The following NEGR1 variants were observed in gnomAD, a reference collection of about 807,000 sequenced individuals.
The protein encoded by NEGR1 is IgLON family member 4.
Under a neutral mutation model 40.9 loss-of-function variants are expected in NEGR1, and 10 were observed. The observed-to-expected ratio is 0.24, with a 90% CI of 0.15 to 0.42. The LOEUF is 0.42. NEGR1 is among the 10% of genes least tolerant of loss of function. NEGR1 has a pLI of 1.00. For synonymous variants in NEGR1, 185 were observed against 166.8 expected (o/e 1.11, Z -0.84); for missense variants, 352 against 438.9 (o/e 0.80, Z 1.77).
intron 2 of NEGR1, among the ~76,000 whole-genome samples, chr1:71,870,282 T>C (rs1660242071): frequency 6.6e-6 from 1 of 152,194 alleles, no homozygotes; most frequent in Non-Finnish European, 1.5e-5. Flanking sequence ...TAGAATGTAG[T>C]ATTGACAAAG....
chr1:71,818,522 C>T (rs1057077346), intron 2 of NEGR1, among the ~76,000 whole-genome samples: 21 of 151,744 alleles, frequency 1.4e-4, no homozygotes, highest in Non-Finnish European at 1.5e-5. Context: ...CAGACATTAG[C>T]ACCTACTTGA....
chr1:72,260,329 A>G (rs1010591216), intron 1 of NEGR1, among the ~76,000 whole-genome samples: 3 of 152,114 alleles, frequency 2.0e-5, no homozygotes, highest in African/African-American at 7.2e-5. Context: ...CCCAATTTTT[A>G]CAAAGGATAT....
At chr1:71,846,150 T>C (rs899843405) in intron 2 of NEGR1, among the ~76,000 whole-genome samples, 1 of 151,978 alleles carries the variant, frequency 6.6e-6, no homozygotes, top group Non-Finnish European at 1.5e-5. Flanking sequence ...AGGTTGTTAT[T>C]CTCTTCCTTA....
intron 3 of NEGR1, among the ~76,000 whole-genome samples, chr1:71,734,196 G>A (rs962495257): frequency 5.9e-5 from 9 of 152,124 alleles, no homozygotes; most frequent in Non-Finnish European, 1.3e-4. Flanking sequence ...AAAAGAATAG[G>A]ACCGGCAATT....
intron 1 of NEGR1, among the ~76,000 whole-genome samples, chr1:72,187,824 T>C (rs1357278945): frequency 3.3e-5 from 5 of 151,454 alleles, no homozygotes; most frequent in African/African-American, 1.2e-4. Context: ...TTTTGAAGGA[T>C]ACGTAACTGA....
chr1:71,581,833 G>T (rs1321842537), intron 6 of NEGR1, among the ~76,000 whole-genome samples: 2 of 151,844 alleles, frequency 1.3e-5, no homozygotes, highest in Non-Finnish European at 2.9e-5. Context: ...ATTCCAAGTA[G>T]CTGGGATGAC....
chr1:71,610,979 G>T (rs780706498), intron 5 of NEGR1, 47 bp downstream of exon 5: 10 of 1,576,744 alleles, frequency 6.3e-6, no homozygotes, highest in Non-Finnish European at 7.8e-6. Context: ...ACACAAGCAC[G>T]TTAGCTCAAA....
intron 4 of NEGR1, among the ~76,000 whole-genome samples, chr1:71,697,585 C>T (rs749188413): frequency 4.0e-5 from 6 of 151,848 alleles, no homozygotes; most frequent in Non-Finnish European, 8.8e-5. Context: ...AGAAGCATCA[C>T]ACTTCAGCTC....
chr1:71,566,045 C>T (rs1648609880), intron 6 of NEGR1, among the ~76,000 whole-genome samples: 1 of 151,988 alleles, frequency 6.6e-6, no homozygotes, highest in Non-Finnish European at 1.5e-5. Context: ...ACATCTACCA[C>T]AGGCTGGGAA....
intron 3 of NEGR1, among the ~76,000 whole-genome samples, chr1:71,768,564 G>T (rs1229471059): frequency 6.6e-6 from 1 of 152,172 alleles, no homozygotes; most frequent in East Asian, 1.9e-4. Context: ...AGGAAGAAGG[G>T]ACTTGTCTTG....
intron 1 of NEGR1, among the ~76,000 whole-genome samples, chr1:72,184,734 C>A (rs1652552016): frequency 6.6e-6 from 1 of 151,986 alleles, no homozygotes; most frequent in Non-Finnish European, 1.5e-5. Context: ...CATAGTACTA[C>A]CTACTGAATC....
intron 4 of NEGR1, among the ~76,000 whole-genome samples, chr1:71,619,160 A>G (rs552889178): frequency 1.1e-4 from 17 of 152,302 alleles, no homozygotes; most frequent in South Asian, 8.3e-4. Flanking sequence ...GGAGCTGTAC[A>G]GTAAAAAATT....
chr1:71,633,684 AAAG>A (rs1344105654), intron 4 of NEGR1, among the ~76,000 whole-genome samples: 1 of 152,124 alleles, frequency 6.6e-6, no homozygotes, highest in Non-Finnish European at 1.5e-5. Flanking sequence ...CCACCCAAAG[AAAG>A]AAGAACAACT....
At chr1:71,476,994 A>C (rs557210484) in intron 6 of NEGR1, 1 of 152,138 alleles carries the variant, frequency 6.6e-6, no homozygotes, top group Non-Finnish European at 1.5e-5. Flanking sequence ...AAGGCATGCA[A>C]TTATAAGTTT....
intron 2 of NEGR1, among the ~76,000 whole-genome samples, chr1:71,818,825 A>C (rs1470251210): frequency 2.0e-5 from 3 of 151,958 alleles, no homozygotes; most frequent in Admixed American, 6.6e-5. Flanking sequence ...GGTTATGGAG[A>C]TATTAATAAA....
Position 71,556,644 on chromosome 1 carries a change from CACACACACAT to C in NEGR1, c.940+36163_940+36172del, listed in dbSNP as rs757436885. The stretch of plus-strand genomic sequence containing the variant: ...TATTTTGTAATTACACACACACACA[CACACACACAT>C]ACACACACACAAGTCCATGGAGACA... On this transcript the variant is annotated intron_variant, in intron 6 of 6. Transcript: ENST00000357731. Among the ~76,000 whole-genome samples the C allele has an allele frequency of 7.4e-4, 112 of 151,278 alleles. 2 individuals carry two copies. Among genetic ancestry groups the C allele is most frequent in the Non-Finnish European group, 8.9e-4 (60 of 67,580 alleles).
chr1:71,919,005 A>G (rs1661682116), intron 2 of NEGR1, among the ~76,000 whole-genome samples: 1 of 152,202 alleles, frequency 6.6e-6, no homozygotes, highest in African/African-American at 2.4e-5. Flanking sequence ...AGATTTCAAC[A>G]AAACAAAAAT....
intron 3 of NEGR1, among the ~76,000 whole-genome samples, chr1:71,762,696 T>A (rs1348278005): frequency 6.6e-6 from 1 of 152,136 alleles, no homozygotes. Context: ...ATTTCAAAGA[T>A]TATGCACTGT....
At chr1:72,150,533 T>C (rs538587403) in intron 1 of NEGR1, among the ~76,000 whole-genome samples, 14 of 152,292 alleles carry the variant, frequency 9.2e-5, no homozygotes, top group South Asian at 2.1e-4. Flanking sequence ...TTAAAGATGA[T>C]ACATGAAAAT....
Sources: allele counts gnomAD v4.1 joint callset (sites outside exome capture counted in the v4.1 genomes callset), GRCh38; gene constraint gnomAD v4.1.1; transcripts MANE v1.5; gene names NCBI Gene and HGNC (gene_info 2026-07-23, HGNC 2026-07-21).